The following ANKRD33B variants were observed in gnomAD, a reference collection of about 807,000 sequenced individuals.
The protein encoded by ANKRD33B is ankyrin repeat domain-containing protein 33B.
In ANKRD33B, 6 loss-of-function variants were observed where a neutral mutation model predicts 21.5. The observed-to-expected ratio is 0.28, with a 90% CI of 0.15 to 0.55. The LOEUF is 0.55. Ranked by LOEUF, ANKRD33B falls within the 20% of genes least tolerant of loss-of-function variation. ANKRD33B has a pLI of 0.94. For synonymous variants in ANKRD33B, 347 were observed against 342.4 expected (o/e 1.01, Z -0.15); for missense variants, 698 against 747.2 (o/e 0.93, Z 0.77).
intron 3 of ANKRD33B, among the ~76,000 whole-genome samples, chr5:10,645,860 A>G (rs1046318366): frequency 6.6e-6 from 1 of 152,208 alleles, no homozygotes; most frequent in Non-Finnish European, 1.5e-5. Flanking sequence ...TTAGATTCCA[A>G]TAGTGATTCT....
intron 1 of ANKRD33B, among the ~76,000 whole-genome samples, chr5:10,570,322 T>C (rs1473178555): frequency 6.6e-6 from 1 of 152,198 alleles, no homozygotes; most frequent in Non-Finnish European, 1.5e-5. Context: ...CTGGATTTGC[T>C]CATTCGTCTT....
At chr5:10,566,562 CCCAGTCCCCACTCTAGGGCA>C (rs1735067260) in intron 1 of ANKRD33B, among the ~76,000 whole-genome samples, 1 of 152,198 alleles carries the variant, frequency 6.6e-6, no homozygotes, top group Admixed American at 6.5e-5. Context: ...GCCTGGCTCG[CCCAGTCCCCACTCTAGGGCA>C]CCACTGGGCT....
intron 1 of ANKRD33B, among the ~76,000 whole-genome samples, chr5:10,616,564 C>CAAAAAA (rs56895208): frequency 0.14 from 16,665 of 117,120 alleles, 1,933 homozygotes; most frequent in African/African-American, 0.31. Context: ...AACTCTGTCT[C>CAAAAAA]AAAAAAAAAA....
Position 10,618,467 on chromosome 5 carries a change from G to A in ANKRD33B, c.496+5G>A, listed in dbSNP as rs1736339362. The A allele has an allele frequency of 1.3e-6, 2 of 1,524,682 alleles. No homozygotes were observed. The highest frequency in any genetic ancestry group is 8.8e-7 in the Non-Finnish European group (1 of 1,139,352). The allele number at this position is 1,524,682 out of a possible 1,614,324, so 94.4% of individuals were successfully genotyped here. Reference sequence around the variant, plus strand: ...TAATCACAGCTGCACAGGCAGGTAAGAGCTGGCTTTCCCCTTTCCTCTCAG... The same window carrying A: ...TAATCACAGCTGCACAGGCAGGTAAAAGCTGGCTTTCCCCTTTCCTCTCAG... On this transcript the variant is annotated splice_donor_5th_base_variant and intron_variant, in intron 2 of 3. Transcript: ENST00000296657.
intron 1 of ANKRD33B, among the ~76,000 whole-genome samples, chr5:10,565,193 CCTGA>C (rs574111172): frequency 4.6e-5 from 7 of 152,350 alleles, no homozygotes; most frequent in Admixed American, 2.6e-4. Context: ...CCGGTCCCCT[CCTGA>C]CTATTACCTT....
At chr5:10,617,672 C>T (rs990034940) in intron 1 of ANKRD33B, among the ~76,000 whole-genome samples, 1 of 152,176 alleles carries the variant, frequency 6.6e-6, no homozygotes, top group African/African-American at 2.4e-5. Flanking sequence ...ACTCCCCCTA[C>T]TCAGGGGGTC....
intron 3 of ANKRD33B, among the ~76,000 whole-genome samples, chr5:10,642,587 G>T (rs767897241): frequency 2.6e-5 from 4 of 152,164 alleles, no homozygotes; most frequent in Non-Finnish European, 5.9e-5. Flanking sequence ...TCTATAAAAT[G>T]AGGCTAATGA....
intron 1 of ANKRD33B, among the ~76,000 whole-genome samples, chr5:10,597,561 A>G (rs1487566361): frequency 2.0e-5 from 3 of 152,228 alleles, no homozygotes; most frequent in Non-Finnish European, 4.4e-5. Flanking sequence ...AGAGACCTAC[A>G]AAGAGACTTA....
At chr5:10,630,677 G>T (rs1736687680) in intron 2 of ANKRD33B, among the ~76,000 whole-genome samples, 1 of 152,104 alleles carries the variant, frequency 6.6e-6, no homozygotes, top group Non-Finnish European at 1.5e-5. Context: ...CCATTTTTCT[G>T]CTTAGGTTCA....
chr5:10,589,173 G>T (rs1387064654), intron 1 of ANKRD33B, among the ~76,000 whole-genome samples: 3 of 152,048 alleles, frequency 2.0e-5, no homozygotes, highest in Non-Finnish European at 4.4e-5. Context: ...CGTGCTGTGG[G>T]AAACCCACCT....
intron 1 of ANKRD33B, among the ~76,000 whole-genome samples, chr5:10,593,808 CACTT>C (rs745356251): frequency 1.3e-5 from 2 of 151,858 alleles, no homozygotes. Context: ...CCTCTCAACT[CACTT>C]ACCCTCACCC....
intron 2 of ANKRD33B, among the ~76,000 whole-genome samples, chr5:10,629,706 G>C (rs769248241): frequency 1.3e-5 from 2 of 152,206 alleles, no homozygotes; most frequent in Non-Finnish European, 2.9e-5. Context: ...ATGAGATAAG[G>C]AGGGGGCTTA....
At chr5:10,643,595 C>G (rs527722106) in intron 3 of ANKRD33B, among the ~76,000 whole-genome samples, 40 of 151,990 alleles carry the variant, frequency 2.6e-4, no homozygotes, top group African/African-American at 8.4e-4. Flanking sequence ...GCGGGTGGAT[C>G]ACCTGAGGAC....
chr5:10,619,276 G>A lies in ANKRD33B; in HGVS notation c.496+814G>A, dbSNP rs975456565. The A allele has an allele frequency of 1.0e-5, 10 of 984,848 alleles. No individual in the cohort carries two copies. In the African/African-American group the frequency reaches 1.6e-4, roughly 15 times the overall value. 61.0% of individuals were successfully genotyped at this position (984,848 alleles called of 1,614,324 possible). On this transcript the variant is annotated intron_variant, in intron 2 of 3. Transcript: ENST00000296657. The surrounding 1 kb of genome is among the most constrained non-coding windows in gnomAD (Gnocchi z 4.5). The stretch of plus-strand genomic sequence containing the variant: ...CCTGCAGCTGAGCCAGGAAGAACAG[G>A]CGCTTGTGTGTTGAAGGAAGGAGGG...
intron 3 of ANKRD33B, among the ~76,000 whole-genome samples, chr5:10,642,233 A>G (rs1737078468): frequency 6.6e-6 from 1 of 152,078 alleles, no homozygotes; most frequent in Admixed American, 6.5e-5. Context: ...TTCCAGAAAC[A>G]CCTTGCACAT....
rs1247830927 is a variant in ANKRD33B at position 10,564,782 on chromosome 5, G to T, written c.315G>T (p.Val105=). 6.6e-7 allele frequency: 1 copy of T among 1,524,400 alleles called. No individual in the cohort carries two copies. The highest frequency in any genetic ancestry group is 1.4e-5 in the African/African-American group (1 of 72,720). 94.4% of individuals were successfully genotyped at this position (1,524,400 alleles called of 1,614,324 possible). A position where few individuals can be genotyped will look rare whatever the true frequency, so the allele number is the denominator to read the frequency against. Residue 105 remains valine, a synonymous_variant, in exon 1 of 4, where the codon GTG becomes GTT. Coordinates refer to ENST00000296657, the MANE Select transcript of ANKRD33B (RefSeq NM_001164440.2). ...ACGTGGGGCTGCTGCGGACGCTGGTGCGGCGCGGGGTGAGCGTCGAGGAGG... is the reference window on the plus strand; with the variant it reads ...ACGTGGGGCTGCTGCGGACGCTGGTTCGGCGCGGGGTGAGCGTCGAGGAGG... ...ANNVGLLRTL[V]RRGVSVEEAQ...
rs1275025696 is a variant in ANKRD33B at position 10,649,877 on chromosome 5, G to A, written c.1249G>A (p.Val417Met). 2.7e-6 allele frequency: 4 copies of A among 1,489,682 alleles called. No homozygotes were observed. The highest frequency in any genetic ancestry group is 1.8e-6 in the Non-Finnish European group (2 of 1,125,944). 92.3% of individuals were successfully genotyped at this position (1,489,682 alleles called of 1,614,324 possible). A position where few individuals can be genotyped will look rare whatever the true frequency, so the allele number is the denominator to read the frequency against. Residue 417 changes from valine (V) to methionine (M), a missense_variant, in exon 4 of 4, where the codon GTG becomes ATG. Around this residue, in one of 3 missense-constraint regions of ANKRD33B, gnomAD observed 543 missense variants for 566.5 expected, o/e 0.96. Transcript: ENST00000296657. ...CCTGCAGCGCCTGCGGCGGAGAAGC[G>A]TGCGGCCCGGTGTGGTGGTGCCCCG... ...LPLQRLRRRS[V>M]RPGVVVPRVR...
intron 2 of ANKRD33B, among the ~76,000 whole-genome samples, chr5:10,634,465 CTT>C (rs1162256286): frequency 1.4e-5 from 2 of 143,178 alleles, no homozygotes; most frequent in Admixed American, 7.2e-5. Flanking sequence ...AGATTTTTTT[CTT>C]TTTTTTTTTT....
chr5:10,649,175 G>A lies in ANKRD33B; in HGVS notation c.638-91G>A, dbSNP rs144064102. The A allele has an allele frequency of 2.0e-4, 284 of 1,439,988 alleles. No homozygotes were observed. The African/African-American group carries it at 3.6e-3, about 18-fold the overall frequency. 89.2% of individuals were successfully genotyped at this position (1,439,988 alleles called of 1,614,324 possible). ...GGCTTGGGGCCAGGGGTGGGGGGTG[G>A]GGGCAGTTTTGCCTTTGCCCCAGGC... On this transcript the variant is annotated intron_variant, in intron 3 of 3. Coordinates refer to ENST00000296657, the MANE Select transcript of ANKRD33B (RefSeq NM_001164440.2).
Sources: allele counts gnomAD v4.1 joint callset (sites outside exome capture counted in the v4.1 genomes callset), GRCh38; gene constraint gnomAD v4.1.1; regional missense constraint gnomAD v4.1.1; non-coding constraint Gnocchi (gnomAD v3.1); transcripts MANE v1.5; gene names NCBI Gene and HGNC (gene_info 2026-07-23, HGNC 2026-07-21).